Variants in ATP8A1 observed in about 807,000 individuals in gnomAD.
The protein encoded by ATP8A1 is phospholipid-transporting ATPase IA.
In ATP8A1, 90 loss-of-function variants were observed where a neutral mutation model predicts 177.7. That is an observed-to-expected ratio of 0.51 (90% CI 0.43 to 0.60). ATP8A1 has a LOEUF of 0.60. Ranked by LOEUF, ATP8A1 falls within the 20% of genes least tolerant of loss-of-function variation. The pLI is 0.00. For missense variants in ATP8A1, 1,072 were observed against 1,392.8 expected (o/e 0.77, Z 3.67); for synonymous variants, 493 against 485.9 (o/e 1.01, Z -0.19).
At chr4:42,593,171 A>C (rs1045743068) in intron 6 of ATP8A1, among the ~76,000 whole-genome samples, 11 of 152,074 alleles carry the variant, frequency 7.2e-5, no homozygotes, top group African/African-American at 2.7e-4. Flanking sequence ...CCCTAAAGAG[A>C]GCTCTTTCTA....
chr4:42,560,867 T>C (rs1730747353), intron 15 of ATP8A1, among the ~76,000 whole-genome samples: 1 of 152,044 alleles, frequency 6.6e-6, no homozygotes, highest in Non-Finnish European at 1.5e-5. Context: ...TAAAAAACAA[T>C]TGCAAAAACC....
intron 5 of ATP8A1, among the ~76,000 whole-genome samples, chr4:42,613,875 C>T (rs978682011): frequency 6.9e-5 from 10 of 144,508 alleles, no homozygotes; most frequent in Admixed American, 2.1e-4. Context: ...TGAGCCGCCC[C>T]GCCTGGCCTC....
At chr4:42,458,773 T>A (rs1718760123) in intron 27 of ATP8A1, among the ~76,000 whole-genome samples, 1 of 152,242 alleles carries the variant, frequency 6.6e-6, no homozygotes, top group Non-Finnish European at 1.5e-5. Flanking sequence ...CCTGGCATTA[T>A]TTTCTAAATT....
At chr4:42,652,124 T>A (rs1741154247) in intron 1 of ATP8A1, among the ~76,000 whole-genome samples, 1 of 152,232 alleles carries the variant, frequency 6.6e-6, no homozygotes, top group Non-Finnish European at 1.5e-5. Context: ...TTAAAACATG[T>A]CCATTTGGAT....
rs766333923 is a variant in ATP8A1 at position 42,464,982 on chromosome 4, T to C, written c.2419A>G (p.Ser807Gly). ...LAIGDGANDV[S>G]MIQTAHVGVG... The stretch of plus-strand genomic sequence containing the variant: ...CCAACGTGCGCTGTCTGTATCATGC[T>C]GACATCATTTGCTCCATCACCGATT... Residue 807 changes from serine (S) to glycine (G), a missense_variant, in exon 26 of 37, where the codon AGC becomes GGC. Coordinates refer to ENST00000381668, the MANE Select transcript of ATP8A1 (RefSeq NM_006095.2). The C allele has an allele frequency of 6.2e-7, 1 of 1,614,240 alleles. No homozygotes were observed. Among genetic ancestry groups the C allele is most frequent in the Non-Finnish European group, 8.5e-7 (1 of 1,180,042 alleles).
chr4:42,650,069 G>A (rs1441601903), intron 1 of ATP8A1, among the ~76,000 whole-genome samples: 11 of 152,124 alleles, frequency 7.2e-5, no homozygotes, highest in Non-Finnish European at 1.2e-4. Flanking sequence ...AGAGACCCAC[G>A]CAGCAAACAT....
intron 20 of ATP8A1, among the ~76,000 whole-genome samples, chr4:42,527,630 A>G (rs1424491377): frequency 6.6e-6 from 1 of 152,192 alleles, no homozygotes; most frequent in Non-Finnish European, 1.5e-5. Context: ...ACCTATAACT[A>G]GACTAAAGTC....
intron 24 of ATP8A1, among the ~76,000 whole-genome samples, chr4:42,487,751 G>A (rs1267761781): frequency 1.3e-5 from 2 of 151,952 alleles, no homozygotes; most frequent in Non-Finnish European, 1.5e-5. Flanking sequence ...ATGCAAATGC[G>A]GTTCACACTA....
intron 25 of ATP8A1, 123 bp downstream of exon 25, chr4:42,485,373 T>C (rs1722085633): frequency 1.2e-6 from 1 of 816,354 alleles, no homozygotes; most frequent in Non-Finnish European, 1.8e-6. Flanking sequence ...AAGTCTTGAG[T>C]GAACACATTA....
At chr4:42,459,264 A>G (rs982986787) in intron 27 of ATP8A1, 1 of 155,744 alleles carries the variant, frequency 6.4e-6, no homozygotes, top group African/African-American at 2.4e-5. Context: ...TCAACCACAA[A>G]TCACATAATT....
At chr4:42,552,413 A>T in intron 17 of ATP8A1, 92 bp downstream of exon 17, 1 of 1,043,808 alleles carries the variant, frequency 9.6e-7, no homozygotes, top group Non-Finnish European at 1.4e-6. Context: ...TCTAAAAAAC[A>T]CTCAATTTGG....
At chr4:42,632,490 C>T (rs1004740099) in intron 1 of ATP8A1, among the ~76,000 whole-genome samples, 24 of 152,044 alleles carry the variant, frequency 1.6e-4, no homozygotes, top group African/African-American at 5.8e-4. Context: ...CATTCTTGGT[C>T]GTAAAATGGC....
chr4:42,539,250 T>C (rs954235838), intron 20 of ATP8A1, among the ~76,000 whole-genome samples: 3 of 147,596 alleles, frequency 2.0e-5, no homozygotes. Context: ...CTTTGGGACC[T>C]GGGGGGAGAG....
intron 15 of ATP8A1, among the ~76,000 whole-genome samples, chr4:42,559,606 G>C (rs1251094264): frequency 6.6e-6 from 1 of 152,194 alleles, no homozygotes; most frequent in Non-Finnish European, 1.5e-5. Flanking sequence ...AGTAATTCCA[G>C]TTCTAGGAAT....
intron 23 of ATP8A1, among the ~76,000 whole-genome samples, chr4:42,506,426 G>A (rs191684285): frequency 2.0e-5 from 3 of 152,326 alleles, no homozygotes; most frequent in South Asian, 2.1e-4. Flanking sequence ...CCTTCAGAAC[G>A]ATGAGATATA....
rs1022617543 is a variant in ATP8A1 at position 42,657,060 on chromosome 4, CGGTGGCGGCGAA to C, written c.-199_-188del. On this transcript the variant is annotated 5_prime_UTR_variant, in exon 1 of 37. Coordinates refer to ENST00000381668, the MANE Select transcript of ATP8A1 (RefSeq NM_006095.2). ...GCCGACAGGAGGAGGAGAAAGGCAG[CGGTGGCGGCGAA>C]GGTGGCGGCGCCCGCAGAGCTGGGC... 63 of 500,186 alleles carry C rather than the reference CGGTGGCGGCGAA, an allele frequency of 1.3e-4. No homozygotes were observed. The highest frequency in any genetic ancestry group is 5.8e-4 in the East Asian group (16 of 27,728). 31.0% of individuals were successfully genotyped at this position (500,186 alleles called of 1,614,324 possible).
intron 22 of ATP8A1, among the ~76,000 whole-genome samples, chr4:42,519,710 T>C (rs748833877): frequency 3.9e-5 from 6 of 152,226 alleles, no homozygotes; most frequent in Non-Finnish European, 8.8e-5. Flanking sequence ...AGTCTTCATT[T>C]GGAGCAGGCT....
At chr4:42,428,400 C>T (rs1043209118) in intron 33 of ATP8A1, among the ~76,000 whole-genome samples, 2 of 152,204 alleles carry the variant, frequency 1.3e-5, no homozygotes, top group Admixed American at 6.5e-5. Flanking sequence ...ATGGCATCAT[C>T]CCTGGCTGCC....
intron 23 of ATP8A1, among the ~76,000 whole-genome samples, chr4:42,503,976 C>T (rs1724108641): frequency 6.6e-6 from 1 of 152,176 alleles, no homozygotes; most frequent in Non-Finnish European, 1.5e-5. Context: ...TACCTTCCTA[C>T]CCTCTCTTGC....
Sources: allele counts gnomAD v4.1 joint callset (sites outside exome capture counted in the v4.1 genomes callset), GRCh38; gene constraint gnomAD v4.1.1; transcripts MANE v1.5; gene names NCBI Gene and HGNC (gene_info 2026-07-23, HGNC 2026-07-21).